CD22: variants seen among roughly 807,000 people sequenced by gnomAD.
CD22 encodes the protein B-cell receptor CD22.
In CD22, 51 loss-of-function variants were observed where a neutral mutation model predicts 94.7. The observed-to-expected ratio is 0.54, with a 90% CI of 0.43 to 0.68. The LOEUF (loss-of-function observed/expected upper bound fraction) is 0.68, where lower values mean the gene tolerates loss of function less well. Among genes scored for constraint, CD22 ranks in the 30% least tolerant of loss-of-function variants. The probability of loss-of-function intolerance (pLI) is 0.00; values close to 1 mark genes in which losing one functional copy is unlikely to be tolerated. For synonymous variants in CD22, 424 were observed against 422.5 expected (o/e 1.00, Z -0.04); for missense variants, 931 against 1,060.4 (o/e 0.88, Z 1.69).
chr19:35,333,155 G>T, intron 3 of CD22: 1 of 533,742 alleles, frequency 1.9e-6, no homozygotes, highest in Non-Finnish European at 3.3e-6. Flanking sequence ...CAAAGTTATC[G>T]GATCTCCTGA....
Position 35,346,175 on chromosome 19 carries a change from G to A in CD22, c.2352G>A (p.Gln784=). 6.2e-7 allele frequency: 1 copy of A among 1,613,998 alleles called. No homozygotes were observed. Among genetic ancestry groups the A allele is most frequent in the Non-Finnish European group, 8.5e-7 (1 of 1,179,906 alleles). Reference sequence around the variant, plus strand: ...GAGATGCAGAGTCCTCAGAGATGCAGAGACCTCCCCCGGACTGCGATGACA... The same window carrying A: ...GAGATGCAGAGTCCTCAGAGATGCAAAGACCTCCCCCGGACTGCGATGACA... ...RTGDAESSEM[Q]RPPPDCDDTV... is the part of the protein sequence containing the mutation. Residue 784 remains glutamine, a synonymous_variant, in exon 13 of 14, where the codon CAG becomes CAA. Coordinates refer to ENST00000085219, the MANE Select transcript of CD22 (RefSeq NM_001771.4).
intron 6 of CD22, among the ~76,000 whole-genome samples, chr19:35,338,896 T>G (rs1015165240): frequency 6.6e-6 from 1 of 151,538 alleles, no homozygotes; most frequent in Non-Finnish European, 1.5e-5. Flanking sequence ...CCCAAAGTGC[T>G]GGGATTAGAG....
chr19:35,329,790 G>A (rs2145641172), intron 1 of CD22: 1 of 155,098 alleles, frequency 6.4e-6, no homozygotes, highest in Non-Finnish European at 1.4e-5. Flanking sequence ...GGAGGCAAGT[G>A]TTGGCTGCAG....
At chr19:35,333,982 A>G (rs1406351035) in intron 3 of CD22, among the ~76,000 whole-genome samples, 1 of 152,220 alleles carries the variant, frequency 6.6e-6, no homozygotes, top group Non-Finnish European at 1.5e-5. Flanking sequence ...CCCAAAGGCC[A>G]GGTTTGAGCT....
Position 35,346,834 on chromosome 19 carries a change from ACACT to A in CD22, c.*142_*145del. 5 of 843,820 alleles carry A rather than the reference ACACT, an allele frequency of 5.9e-6. No individual in the cohort carries two copies. The highest frequency in any genetic ancestry group is 8.9e-6 in the Non-Finnish European group (5 of 560,232). 52.3% of individuals were successfully genotyped at this position (843,820 alleles called of 1,614,324 possible). On this transcript the variant is annotated 3_prime_UTR_variant, in exon 14 of 14. Coordinates refer to ENST00000085219, the MANE Select transcript of CD22 (RefSeq NM_001771.4). ...CACACACACGCACACACACACACAC[ACACT>A]CACTGCGGAGAACCTTGTGCCTGGC...
Position 35,337,778 on chromosome 19 carries a change from G to T in CD22, c.742G>T (p.Val248Phe). 1 of 1,604,648 alleles carries T rather than the reference G, an allele frequency of 6.2e-7. No homozygotes were observed. Among genetic ancestry groups the T allele is most frequent in the South Asian group, 1.1e-5 (1 of 90,670 alleles). ...VKHTPKLEIK[V>F]TPSDAIVREG... Reference sequence around the variant, plus strand: ...AGACACCCCGAAGTTGGAGATCAAGGTCACTCCCAGTGATGCCATAGTGAG... The same window carrying T: ...AGACACCCCGAAGTTGGAGATCAAGTTCACTCCCAGTGATGCCATAGTGAG... The change falls in exon 5 of 14, where the codon GTC (valine) becomes TTC (phenylalanine). Residue 248 changes from valine to phenylalanine, a missense_variant. Transcript: ENST00000085219. This position sits in a 1 kb window ranked among gnomAD's most constrained non-coding sequence, Gnocchi z 4.4.
chr19:35,338,518 G>A (rs2066759078), intron 6 of CD22, 87 bp downstream of exon 6: 6 of 1,415,546 alleles, frequency 4.2e-6, no homozygotes, highest in Non-Finnish European at 5.8e-6. Context: ...GCATTCCGGG[G>A]TCCTGGAGTC....
At chr19:35,342,620 T>G (rs1310685474) in intron 9 of CD22, among the ~76,000 whole-genome samples, 1 of 150,642 alleles carries the variant, frequency 6.6e-6, no homozygotes, top group Admixed American at 6.6e-5. Flanking sequence ...GCTGGAGGAG[T>G]CGTCTTGTCC....
rs2066812164 is a variant in CD22 at position 35,341,697 on chromosome 19, T to C, written c.1772-5T>C. The stretch of plus-strand genomic sequence containing the variant: ...TCGCACCCCCTCCCCCTGCCCGCCA[T>C]GCAGATGCACCCAGGAGGCTGCGTG... On this transcript the variant is annotated splice_region_variant and splice_polypyrimidine_tract_variant and intron_variant, in intron 8 of 13. Transcript: ENST00000085219. This position sits in a 1 kb window ranked among gnomAD's most constrained non-coding sequence, Gnocchi z 4.0. 1.9e-6 allele frequency: 3 copies of C among 1,608,490 alleles called. No homozygotes were observed. In the South Asian group the frequency reaches 3.3e-5, roughly 18 times the overall value.
At position 35,341,750 on chromosome 19, in the gene CD22, T is replaced by C. The variant is rs2066813179; in HGVS notation, c.1820T>C (p.Met607Thr). 6.2e-7 allele frequency: 1 copy of C among 1,611,658 alleles called. No homozygotes were observed. Among genetic ancestry groups the C allele is most frequent in the African/African-American group, 1.3e-5 (1 of 74,906 alleles). Reference protein sequence around the residue: ...RVSMSPGDQVMEGKSATLTCE... With the variant: ...RVSMSPGDQVTEGKSATLTCE... ...TCCATGAGCCCGGGGGACCAAGTGA[T>C]GGAGGGGAAGAGTGCAACCCTGACC... Residue 607 changes from methionine to threonine, a missense_variant, in exon 9 of 14, where the codon ATG (methionine) becomes ACG (threonine). Physicochemically the swap from Met to Thr is moderately conservative, Grantham distance 81. Coordinates refer to ENST00000085219, the MANE Select transcript of CD22 (RefSeq NM_001771.4). The surrounding 1 kb of genome is among the most constrained non-coding windows in gnomAD (Gnocchi z 4.0).
Position 35,337,750 on chromosome 19 carries a change from T to C in CD22, c.719-5T>C. 1 of 1,589,030 alleles carries C rather than the reference T, an allele frequency of 6.3e-7. No homozygotes were observed. Reference sequence around the variant, plus strand: ...CCCTCCCCGACTGCCCCTCTGCTCCTCCAGACACCCCGAAGTTGGAGATCA... The same window carrying C: ...CCCTCCCCGACTGCCCCTCTGCTCCCCCAGACACCCCGAAGTTGGAGATCA... On this transcript the variant is annotated splice_polypyrimidine_tract_variant and splice_region_variant and intron_variant, in intron 4 of 13. Transcript: ENST00000085219. This position sits in a 1 kb window ranked among gnomAD's most constrained non-coding sequence, Gnocchi z 4.4.
chr19:35,346,034 A>G (rs2145684400), intron 12 of CD22, 117 bp from the exon 13 acceptor site: 1 of 781,030 alleles, frequency 1.3e-6, no homozygotes, highest in South Asian at 1.5e-5. Context: ...TGGGGAGGCC[A>G]CAGGTTTTAC....
intron 2 of CD22, 198 bp downstream of exon 2, chr19:35,332,272 A>G (rs2066656615): frequency 1.5e-6 from 1 of 650,890 alleles, no homozygotes; most frequent in Non-Finnish European, 2.6e-6. Context: ...GTCTTTGTGT[A>G]TCTCTGTATT....
chr19:35,346,598 A>G lies in CD22; in HGVS notation c.2445A>G (p.Pro815=). The part of the protein sequence containing the change: ...GDYENVIPDF[P]EDEGIHYSEL... ...ATGAGAACGTCATTCCAGATTTTCC[A>G]GAAGATGAGGGGATTCATTACTCAG... The change falls in exon 14 of 14, where the codon CCA becomes CCG. Residue 815 remains proline, a synonymous_variant. Coordinates refer to ENST00000085219, the MANE Select transcript of CD22 (RefSeq NM_001771.4). The G allele has an allele frequency of 1.2e-6, 2 of 1,605,198 alleles. No individual in the cohort carries two copies. Among genetic ancestry groups the G allele is most frequent in the Non-Finnish European group, 1.7e-6 (2 of 1,175,418 alleles).
In CD22 at chr19:35,338,233, T is replaced by A; in HGVS notation, c.1051T>A (p.Phe351Ile). Reference protein sequence around the residue: ...SPAVEGSQVEFLCMSLANPLP... With the variant: ...SPAVEGSQVEILCMSLANPLP... ...GGCTGTGGAGGGAAGTCAAGTCGAG[T>A]TTCTTTGCATGTCACTGGCCAATCC... The change falls in exon 6 of 14, where the codon TTT (phenylalanine) becomes ATT (isoleucine). Residue 351 changes from phenylalanine (F) to isoleucine (I), a missense_variant. Coordinates refer to ENST00000085219, the MANE Select transcript of CD22 (RefSeq NM_001771.4). 6.2e-7 allele frequency: 1 copy of A among 1,614,102 alleles called. No homozygotes were observed. Among genetic ancestry groups the A allele is most frequent in the Non-Finnish European group, 8.5e-7 (1 of 1,179,998 alleles).
In CD22 at chr19:35,341,530, T is replaced by C; in HGVS notation, c.1695T>C (p.Asp565=). The C allele has an allele frequency of 6.2e-7, 1 of 1,614,136 alleles. No individual in the cohort carries two copies. The highest frequency in any genetic ancestry group is 1.7e-5 in the Admixed American group (1 of 60,028). The change falls in exon 8 of 14, where the codon GAT becomes GAC. Residue 565 remains aspartate (D), a synonymous_variant. Coordinates refer to ENST00000085219, the MANE Select transcript of CD22 (RefSeq NM_001771.4). The surrounding 1 kb of genome is among the most constrained non-coding windows in gnomAD (Gnocchi z 4.0). Reference sequence around the variant, plus strand: ...ATTTTGACTCCATCTCCCCAGAAGATGCTGGGAGTTACAGCTGCTGGGTGA... The same window carrying C: ...ATTTTGACTCCATCTCCCCAGAAGACGCTGGGAGTTACAGCTGCTGGGTGA... The part of the protein sequence containing the change: ...QLNFDSISPE[D]AGSYSCWVNN...
In CD22 at chr19:35,346,800, GCACACACACACA is replaced by G; in HGVS notation, c.*109_*120del. ...ATGGCTTCCTCCTGCGCGCATGTGCGCACACACACACACACACGCACACACACACACACACAC... is the reference window on the plus strand; with the variant it reads ...ATGGCTTCCTCCTGCGCGCATGTGCGCACACGCACACACACACACACACAC... On this transcript the variant is annotated 3_prime_UTR_variant, in exon 14 of 14. Transcript: ENST00000085219. 2 of 907,860 alleles carry G rather than the reference GCACACACACACA, an allele frequency of 2.2e-6. No individual in the cohort carries two copies. The highest frequency in any genetic ancestry group is 3.2e-6 in the Non-Finnish European group (2 of 618,492). 56.2% of individuals were successfully genotyped at this position (907,860 alleles called of 1,614,324 possible).
At chr19:35,333,102 T>G (rs980167891) in intron 3 of CD22, 178 bp downstream of exon 3, 25 of 604,916 alleles carry the variant, frequency 4.1e-5, no homozygotes, top group Non-Finnish European at 6.2e-5. Flanking sequence ...ACCTCGGATG[T>G]CCCATCTGAC....
At position 35,346,789 on chromosome 19, in the gene CD22, C is replaced by A. The variant is rs998781641; in HGVS notation, c.*92C>A. 2 of 1,139,624 alleles carry A rather than the reference C, an allele frequency of 1.8e-6. No homozygotes were observed. Among genetic ancestry groups the A allele is most frequent in the Non-Finnish European group, 2.5e-6 (2 of 804,016 alleles). 70.6% of individuals were successfully genotyped at this position (1,139,624 alleles called of 1,614,324 possible). On this transcript the variant is annotated 3_prime_UTR_variant, in exon 14 of 14. Coordinates refer to ENST00000085219, the MANE Select transcript of CD22 (RefSeq NM_001771.4). ...GACACCGCCACATGGCTTCCTCCTGCGCGCATGTGCGCACACACACACACA... is the reference window on the plus strand; with the variant it reads ...GACACCGCCACATGGCTTCCTCCTGAGCGCATGTGCGCACACACACACACA...
Sources: allele counts gnomAD v4.1 joint callset (sites outside exome capture counted in the v4.1 genomes callset), GRCh38; gene constraint gnomAD v4.1.1; non-coding constraint Gnocchi (gnomAD v3.1); transcripts MANE v1.5; gene names NCBI Gene and HGNC (gene_info 2026-07-23, HGNC 2026-07-21).